Variants in GTF2IRD1 observed in about 807,000 individuals in gnomAD.
GTF2IRD1 encodes the protein GTF2I repeat domain containing 1.
A neutral mutation model predicts 113.2 loss-of-function variants in GTF2IRD1; 26 were observed. That is an observed-to-expected ratio of 0.23 (90% CI 0.17 to 0.32). GTF2IRD1 has a LOEUF of 0.32. Among genes scored for constraint, GTF2IRD1 ranks in the 10% least tolerant of loss-of-function variants. The pLI is 1.00. For missense variants in GTF2IRD1, 864 were observed against 1,280.8 expected, an observed-to-expected ratio of 0.67 and a Z score of 4.97; for synonymous variants, 484 against 529.1, an observed-to-expected ratio of 0.91 and a Z score of 1.17.
chr7:74,599,497 CAG>C (rs1802618409), intron 25 of GTF2IRD1, among the ~76,000 whole-genome samples: 4 of 152,100 alleles, frequency 2.6e-5, no homozygotes, highest in Admixed American at 1.3e-4. Flanking sequence ...CCATTTGACT[CAG>C]AGAGGTTCAT....
chr7:74,459,487 GAATAA>G (rs1793220822), intron 1 of GTF2IRD1, among the ~76,000 whole-genome samples: 1 of 151,960 alleles, frequency 6.6e-6, no homozygotes. Context: ...TAGGTGTCCT[GAATAA>G]GATAGGTGAA....
chr7:74,457,071 G>A (rs1222145374), intron 1 of GTF2IRD1, among the ~76,000 whole-genome samples: 1 of 151,646 alleles, frequency 6.6e-6, no homozygotes, highest in Non-Finnish European at 1.5e-5. Flanking sequence ...GCTCACTGCA[G>A]CCTCGAACTC....
intron 2 of GTF2IRD1, among the ~76,000 whole-genome samples, chr7:74,509,858 G>A (rs1796522882): frequency 6.6e-6 from 1 of 151,996 alleles, no homozygotes; most frequent in Non-Finnish European, 1.5e-5. Context: ...TGTACTTTTA[G>A]TAGAGACCGG....
rs115228795 is a variant in GTF2IRD1, at chr7:74,473,850, G to A, written c.-7+19674G>A. On this transcript the variant is annotated intron_variant, in intron 1 of 26. Transcript: ENST00000424337. ...TCTTCAGCTGGGTGCAGTGGCTCAC[G>A]CCGAGCTGGGCGGATCACCTGAGGT... is the stretch of plus-strand genomic sequence containing the variant. Among the ~76,000 whole-genome samples, 1,185 of 152,242 alleles carry A rather than the reference G, an allele frequency of 7.8e-3. 15 individuals carry two copies. The highest frequency in any genetic ancestry group is 0.027 in the African/African-American group (1,106 of 41,548).
intron 1 of GTF2IRD1, among the ~76,000 whole-genome samples, chr7:74,502,311 T>A (rs1406876688): frequency 6.6e-6 from 1 of 152,150 alleles, no homozygotes; most frequent in East Asian, 1.9e-4. Context: ...CTACATGCCC[T>A]TTTCCCACCT....
In GTF2IRD1 at chr7:74,547,003, G is replaced by A. The variant is rs587621345; in HGVS notation, c.1733-100G>A. ...GGAAAGCTGGCAGGCCCTCAAAAGG[G>A]CTCTGGCAGCTTTGCCCCCCGACAC... On this transcript the variant is annotated intron_variant, in intron 16 of 26. Coordinates refer to ENST00000424337, the MANE Select transcript of GTF2IRD1 (RefSeq NM_005685.4). 3.0e-4 allele frequency: 323 copies of A among 1,077,566 alleles called. 2 individuals carry two copies. The South Asian group carries it at 4.7e-3, about 16-fold the overall frequency. The allele number at this position is 1,077,566 out of a possible 1,614,324, so 66.8% of individuals were successfully genotyped here.
chr7:74,537,305 C>T (rs759620077), intron 11 of GTF2IRD1, among the ~76,000 whole-genome samples: 30 of 150,116 alleles, frequency 2.0e-4, no homozygotes, highest in Non-Finnish European at 3.5e-4. Context: ...CCCAGCCACT[C>T]GGGAGGTTGA....
chr7:74,494,681 G>A (rs890006625), intron 1 of GTF2IRD1, among the ~76,000 whole-genome samples: 1 of 151,596 alleles, frequency 6.6e-6, no homozygotes, highest in Non-Finnish European at 1.5e-5. Context: ...GAGCCCAGGA[G>A]TTCGAGACCA....
intron 1 of GTF2IRD1, among the ~76,000 whole-genome samples, chr7:74,501,032 C>T (rs905875485): frequency 1.3e-5 from 2 of 152,158 alleles, no homozygotes; most frequent in Non-Finnish European, 2.9e-5. Context: ...TTTTCTGAAG[C>T]TCTGGGGACA....
intron 25 of GTF2IRD1, among the ~76,000 whole-genome samples, chr7:74,599,097 C>T (rs1436708299): frequency 2.0e-5 from 3 of 152,106 alleles, no homozygotes; most frequent in African/African-American, 7.2e-5. Context: ...GAGTTCAAGA[C>T]CAGACTGGGC....
intron 22 of GTF2IRD1, among the ~76,000 whole-genome samples, chr7:74,576,438 G>T (rs1259171263): frequency 6.6e-6 from 1 of 150,516 alleles, no homozygotes; most frequent in Admixed American, 6.7e-5. Flanking sequence ...GTGCGCACTT[G>T]TAATCCCAGC....
intron 1 of GTF2IRD1, among the ~76,000 whole-genome samples, chr7:74,498,730 T>TCTTC (rs57350525): frequency 2.8e-5 from 4 of 143,132 alleles, no homozygotes; most frequent in Admixed American, 2.1e-4. Flanking sequence ...CTGTAGTTCT[T>TCTTC]TTTTTTTTTT....
intron 22 of GTF2IRD1, among the ~76,000 whole-genome samples, chr7:74,575,568 G>A (rs1207510486): frequency 6.6e-6 from 1 of 152,234 alleles, no homozygotes; most frequent in African/African-American, 2.4e-5. Flanking sequence ...CGACGCCTGT[G>A]GCGGCAGTGG....
At chr7:74,557,161 G>A (rs1206505535) in intron 19 of GTF2IRD1, among the ~76,000 whole-genome samples, 1 of 152,162 alleles carries the variant, frequency 6.6e-6, no homozygotes, top group African/African-American at 2.4e-5. Flanking sequence ...CAGGAGAATC[G>A]CCTGAGCCTG....
chr7:74,457,325 T>TA (rs1793052661), intron 1 of GTF2IRD1, among the ~76,000 whole-genome samples: 1 of 152,172 alleles, frequency 6.6e-6, no homozygotes, highest in Non-Finnish European at 1.5e-5. Context: ...ACATTGATCT[T>TA]ACTCAGATGT....
At chr7:74,480,401 G>A (rs1270745824) in intron 1 of GTF2IRD1, among the ~76,000 whole-genome samples, 3 of 152,294 alleles carry the variant, frequency 2.0e-5, no homozygotes, top group Non-Finnish European at 2.9e-5. Flanking sequence ...AGGGGCAAGC[G>A]CCCCCTCCTC....
chr7:74,526,863 G>T (rs1213143132), intron 8 of GTF2IRD1, among the ~76,000 whole-genome samples: 1 of 152,168 alleles, frequency 6.6e-6, no homozygotes, highest in Non-Finnish European at 1.5e-5. Context: ...ATTTGACAAC[G>T]AGCTAAGTGT....
chr7:74,559,783 CTTTT>C, intron 22 of GTF2IRD1, 128 bp downstream of exon 22: 2 of 532,358 alleles, frequency 3.8e-6, no homozygotes, highest in Non-Finnish European at 3.0e-6. Context: ...CCCTGCCTTT[CTTTT>C]TTTTTTTTCT....
intron 1 of GTF2IRD1, among the ~76,000 whole-genome samples, chr7:74,465,568 C>T (rs1241055066): frequency 1.3e-5 from 2 of 152,080 alleles, no homozygotes; most frequent in Non-Finnish European, 2.9e-5. Context: ...TATTCAGTTG[C>T]GGGGAGCTAG....
Sources: allele counts gnomAD v4.1 joint callset (sites outside exome capture counted in the v4.1 genomes callset), GRCh38; gene constraint gnomAD v4.1.1; transcripts MANE v1.5; gene names NCBI Gene and HGNC (gene_info 2026-07-23, HGNC 2026-07-21).